The following ETV5 variants were observed in gnomAD, a reference collection of about 807,000 sequenced individuals.
The protein encoded by ETV5 is ETS variant transcription factor 5, also known as ETS translocation variant 5.
A neutral mutation model predicts 70.0 loss-of-function variants in ETV5; 10 were observed. The observed-to-expected ratio is 0.14, with a 90% CI of 0.09 to 0.24. The LOEUF is 0.24. Ranked by LOEUF, ETV5 falls within the 10% of genes least tolerant of loss-of-function variation. The probability of loss-of-function intolerance (pLI) is 1.00; values close to 1 mark genes in which losing one functional copy is unlikely to be tolerated. For synonymous variants in ETV5, 216 were observed against 242.2 expected (o/e 0.89, Z 1.01); for missense variants, 453 against 651.2 (o/e 0.70, Z 3.31).
chr3:186,046,554 T>C lies in ETV5; in HGVS notation c.*2085A>G, dbSNP rs182954679. ...CATGAGTCCAATGGGAATGCAACCGTGATGCCGCTGTCCTATGCCCAGTGA... is the reference window on the plus strand; with the variant it reads ...CATGAGTCCAATGGGAATGCAACCGCGATGCCGCTGTCCTATGCCCAGTGA... On this transcript the variant is annotated 3_prime_UTR_variant, in exon 13 of 13. Coordinates refer to ENST00000306376, the MANE Select transcript of ETV5 (RefSeq NM_004454.3). 24 of 230,590 alleles carry C rather than the reference T, an allele frequency of 1.0e-4. No homozygotes were observed. The highest frequency in any genetic ancestry group is 4.0e-4 in the African/African-American group (18 of 44,856). 14.3% of individuals were successfully genotyped at this position (230,590 alleles called of 1,614,324 possible). A position where few individuals can be genotyped will look rare whatever the true frequency, so the allele number is the denominator to read the frequency against.
At chr3:186,102,251 A>T (rs1483166621) in intron 5 of ETV5, among the ~76,000 whole-genome samples, 1 of 152,136 alleles carries the variant, frequency 6.6e-6, no homozygotes, top group Non-Finnish European at 1.5e-5. Flanking sequence ...TCTTTCTTTC[A>T]TGTATACAAT....
At chr3:186,082,080 C>T (rs546069092) in intron 5 of ETV5, among the ~76,000 whole-genome samples, 4 of 152,306 alleles carry the variant, frequency 2.6e-5, no homozygotes, top group South Asian at 2.1e-4. Context: ...AACAAAAAAC[C>T]GAGTTTGCCT....
chr3:186,090,283 T>C (rs1319741993), intron 5 of ETV5, among the ~76,000 whole-genome samples: 1 of 152,204 alleles, frequency 6.6e-6, no homozygotes, highest in Non-Finnish European at 1.5e-5. Context: ...TCATACCTAA[T>C]GTCTACGCCA....
At position 186,052,958 on chromosome 3, in the gene ETV5, A is replaced by G. The variant is rs979604421; in HGVS notation, c.1210-827T>C. On this transcript the variant is annotated intron_variant, in intron 11 of 12. Coordinates refer to ENST00000306376, the MANE Select transcript of ETV5 (RefSeq NM_004454.3). The surrounding 1 kb of genome is among the most constrained non-coding windows in gnomAD (Gnocchi z 4.5). The stretch of plus-strand genomic sequence containing the variant: ...AATCCTACTTATGAGAATGACTGTC[A>G]AGGTAGTAGAATAACCCTGGAAATG... Among the ~76,000 whole-genome samples, 3 of 152,140 alleles carry G rather than the reference A, an allele frequency of 2.0e-5. No homozygotes were observed. Among genetic ancestry groups the G allele is most frequent in the African/African-American group, 7.2e-5 (3 of 41,408 alleles).
chr3:186,101,169 C>T (rs1714448281), intron 5 of ETV5, among the ~76,000 whole-genome samples: 1 of 152,216 alleles, frequency 6.6e-6, no homozygotes, highest in Admixed American at 6.5e-5. Flanking sequence ...GCTACATACA[C>T]AGTTACATAG....
At chr3:186,106,314 A>G (rs889871873) in intron 1 of ETV5, among the ~76,000 whole-genome samples, 3 of 152,256 alleles carry the variant, frequency 2.0e-5, no homozygotes, top group Admixed American at 6.5e-5. Flanking sequence ...TTTTTAAAAA[A>G]GAGATAATTT....
intron 12 of ETV5, 135 bp from the exon 13 acceptor site, chr3:186,048,995 T>G: frequency 2.9e-6 from 2 of 690,876 alleles, no homozygotes; most frequent in Non-Finnish European, 5.0e-6. Flanking sequence ...CAGACTTATT[T>G]TGAGAACTCC....
chr3:186,061,550 C>T (rs1713304507), intron 9 of ETV5, among the ~76,000 whole-genome samples: 1 of 152,170 alleles, frequency 6.6e-6, no homozygotes, highest in South Asian at 2.1e-4. Flanking sequence ...TTGGGAATCA[C>T]ACTGCTTTAA....
intron 7 of ETV5, among the ~76,000 whole-genome samples, chr3:186,066,304 C>G (rs901013653): frequency 7.4e-6 from 1 of 134,346 alleles, no homozygotes; most frequent in African/African-American, 2.8e-5. Context: ...GTGGTAGCCT[C>G]TTATCTTCCA....
At position 186,046,434 on chromosome 3, in the gene ETV5, C is replaced by G. The variant is rs187437742; in HGVS notation, c.*2205G>C. The G allele has an allele frequency of 4.3e-6, 1 of 230,560 alleles. No homozygotes were observed. The highest frequency in any genetic ancestry group is 8.6e-6 in the Non-Finnish European group (1 of 116,218). 14.3% of individuals were successfully genotyped at this position (230,560 alleles called of 1,614,324 possible). ...TTTCAAATCAGCTGGCAGGTTCAAGCCTTTCTGCACTGTAGACTTTCCACA... is the reference window on the plus strand; with the variant it reads ...TTTCAAATCAGCTGGCAGGTTCAAGGCTTTCTGCACTGTAGACTTTCCACA... On this transcript the variant is annotated 3_prime_UTR_variant, in exon 13 of 13. Transcript: ENST00000306376.
At chr3:186,097,811 A>C (rs952033434) in intron 5 of ETV5, among the ~76,000 whole-genome samples, 1 of 152,260 alleles carries the variant, frequency 6.6e-6, no homozygotes, top group African/African-American at 2.4e-5. Flanking sequence ...CCAAGCTGCC[A>C]ATCACAAGCA....
intron 5 of ETV5, among the ~76,000 whole-genome samples, chr3:186,085,437 A>G (rs1040661753): frequency 6.6e-6 from 1 of 151,930 alleles, no homozygotes; most frequent in Non-Finnish European, 1.5e-5. Context: ...CTGGGATACC[A>G]AAATTAACCA....
intron 11 of ETV5, among the ~76,000 whole-genome samples, chr3:186,055,257 T>C (rs1199082050): frequency 1.3e-5 from 2 of 152,096 alleles, no homozygotes; most frequent in African/African-American, 4.8e-5. Context: ...ACAAGATAAA[T>C]CAATAAGGGC....
At chr3:186,108,088 G>A (rs1407309830) in intron 1 of ETV5, among the ~76,000 whole-genome samples, 1 of 151,432 alleles carries the variant, frequency 6.6e-6, no homozygotes, top group African/African-American at 2.4e-5. Flanking sequence ...TAAAAACGAG[G>A]TGCGGCGCCC....
chr3:186,103,150 A>C (rs1376141754), intron 5 of ETV5, among the ~76,000 whole-genome samples: 1 of 152,042 alleles, frequency 6.6e-6, no homozygotes, highest in Non-Finnish European at 1.5e-5. Context: ...AGGCAGTTAA[A>C]ACAAAAAGTA....
chr3:186,084,910 A>C (rs913307592), intron 5 of ETV5, among the ~76,000 whole-genome samples: 4 of 152,220 alleles, frequency 2.6e-5, no homozygotes, highest in African/African-American at 9.6e-5. Flanking sequence ...AGAACAAAGG[A>C]AAAATGGATG....
intron 9 of ETV5, among the ~76,000 whole-genome samples, chr3:186,061,082 G>GT (rs1201278733): frequency 2.0e-5 from 3 of 152,144 alleles, no homozygotes; most frequent in African/African-American, 7.2e-5. Flanking sequence ...ATCTAACCAA[G>GT]TGAGTGCGAA....
At chr3:186,103,074 T>C (rs530717949) in intron 5 of ETV5, among the ~76,000 whole-genome samples, 4 of 152,308 alleles carry the variant, frequency 2.6e-5, no homozygotes, top group African/African-American at 9.6e-5. Context: ...AAAGAATCAT[T>C]AGAAGACCTT....
chr3:186,097,485 C>T (rs73178156), intron 5 of ETV5, among the ~76,000 whole-genome samples: 2,321 of 152,242 alleles, frequency 0.015, 40 homozygotes, highest in Middle Eastern at 0.078. Context: ...CACAACCCCA[C>T]GGGAAGGAGA....
Sources: gnomAD v4.1 joint callset for allele counts (sites outside exome capture counted in the v4.1 genomes callset) on GRCh38, gnomAD v4.1.1 for gene constraint, Gnocchi (gnomAD v3.1) non-coding constraint, MANE v1.5 for transcripts, NCBI Gene and HGNC (gene_info 2026-07-23, HGNC 2026-07-21) for gene names.